RGL1: variants seen among roughly 807,000 people sequenced by gnomAD.
The protein encoded by RGL1 is ral guanine nucleotide dissociation stimulator-like 1.
In RGL1, 24 loss-of-function variants were observed where a neutral mutation model predicts 95.2. The observed-to-expected ratio is 0.25, with a 90% CI of 0.18 to 0.35. The LOEUF is 0.35. Among genes scored for constraint, RGL1 ranks in the 10% least tolerant of loss-of-function variants. The probability of loss-of-function intolerance (pLI) is 1.00; values close to 1 mark genes in which losing one functional copy is unlikely to be tolerated. For synonymous variants in RGL1, 329 were observed against 344.9 expected (o/e 0.95, Z 0.51); for missense variants, 715 against 936.3 (o/e 0.76, Z 3.08).
chr1:183,908,915 A>G (rs527886889), intron 14 of RGL1, among the ~76,000 whole-genome samples: 5 of 152,198 alleles, frequency 3.3e-5, no homozygotes, highest in African/African-American at 7.2e-5. Flanking sequence ...CCCGGGATCT[A>G]TATGTTTTGT....
chr1:183,782,454 C>T (rs1304282481), intron 2 of RGL1, among the ~76,000 whole-genome samples: 1 of 152,200 alleles, frequency 6.6e-6, no homozygotes, highest in Non-Finnish European at 1.5e-5. Context: ...TGTTCAATCA[C>T]AGTTAAATGC....
chr1:183,651,830 G>C (rs1010908679), intron 1 of RGL1, among the ~76,000 whole-genome samples: 1 of 152,146 alleles, frequency 6.6e-6, no homozygotes, highest in African/African-American at 2.4e-5. Flanking sequence ...GGAACCTGAC[G>C]CCATTTCCTG....
chr1:183,867,442 G>A (rs2102598154), intron 4 of RGL1, among the ~76,000 whole-genome samples: 1 of 152,270 alleles, frequency 6.6e-6, no homozygotes, highest in South Asian at 2.1e-4. Flanking sequence ...TAGATCGAGT[G>A]TGAGGGTCTG....
chr1:183,850,161 G>A (rs1397854871), intron 3 of RGL1, among the ~76,000 whole-genome samples: 1 of 152,090 alleles, frequency 6.6e-6, no homozygotes, highest in Middle Eastern at 3.2e-3. Context: ...TTGGCTGTTT[G>A]TGTTTTCTTT....
chr1:183,723,030 A>G (rs143103924), intron 1 of RGL1, among the ~76,000 whole-genome samples: 53 of 152,358 alleles, frequency 3.5e-4, no homozygotes, highest in African/African-American at 1.2e-3. Flanking sequence ...ATACATGACA[A>G]CAATAGCACA....
At chr1:183,916,800 A>G in intron 16 of RGL1, 99 bp downstream of exon 16, 2 of 1,330,190 alleles carry the variant, frequency 1.5e-6, no homozygotes, top group Admixed American at 2.1e-5. Context: ...TGCACACTCA[A>G]TATTAGCATA....
Position 183,805,166 on chromosome 1 carries a change from G to T in RGL1, c.-132G>T. Reference sequence around the variant, plus strand: ...GGCGGCGGCGGGGGCAGCGCGGCGCGTGTCTGTGCGCTGCGGTCGCTCGGG... The same window carrying T: ...GGCGGCGGCGGGGGCAGCGCGGCGCTTGTCTGTGCGCTGCGGTCGCTCGGG... On this transcript the variant is annotated 5_prime_UTR_variant, in exon 1 of 18. Transcript: ENST00000360851. The T allele has an allele frequency of 1.7e-6, 2 of 1,208,872 alleles. No homozygotes were observed. Among genetic ancestry groups the T allele is most frequent in the South Asian group, 2.5e-5 (1 of 40,044 alleles). 74.9% of individuals were successfully genotyped at this position (1,208,872 alleles called of 1,614,324 possible).
chr1:183,681,434 A>G (rs182416597), intron 1 of RGL1, among the ~76,000 whole-genome samples: 45 of 152,274 alleles, frequency 3.0e-4, no homozygotes, highest in Admixed American at 2.0e-4. Flanking sequence ...TGAGATAATC[A>G]TGTGGTTTTT....
chr1:183,883,727 C>G lies in RGL1; in HGVS notation c.611-59C>G, dbSNP rs185498665. 396 of 1,595,706 alleles carry G rather than the reference C, an allele frequency of 2.5e-4. 2 individuals carry two copies. The East Asian group carries it at 6.1e-3, about 25-fold the overall frequency. Reference sequence around the variant, plus strand: ...AAACAAGGAGTAAAGTCTGATGACTCTATAAGCAAGATTATATACACTGGC... The same window carrying G: ...AAACAAGGAGTAAAGTCTGATGACTGTATAAGCAAGATTATATACACTGGC... On this transcript the variant is annotated intron_variant, in intron 5 of 17. Coordinates refer to ENST00000360851, the MANE Select transcript of RGL1 (RefSeq NM_001297671.3).
intron 1 of RGL1, among the ~76,000 whole-genome samples, chr1:183,661,115 A>G (rs896165009): frequency 6.6e-6 from 1 of 152,226 alleles, no homozygotes. Flanking sequence ...GGAAAGATCC[A>G]AAATTGACAC....
chr1:183,909,339 A>G (rs1266716791), intron 14 of RGL1, among the ~76,000 whole-genome samples: 1 of 152,218 alleles, frequency 6.6e-6, no homozygotes, highest in Non-Finnish European at 1.5e-5. Context: ...TTTGAAAGTT[A>G]GAGATGCCTA....
At chr1:183,755,927 A>G (rs962586305) in intron 2 of RGL1, among the ~76,000 whole-genome samples, 14 of 147,218 alleles carry the variant, frequency 9.5e-5, no homozygotes, top group Admixed American at 4.1e-4. Flanking sequence ...CTTGTTGCCC[A>G]GGCTGGAGTG....
chr1:183,893,884 T>C (rs1667553553), intron 9 of RGL1, among the ~76,000 whole-genome samples: 1 of 152,218 alleles, frequency 6.6e-6, no homozygotes. Context: ...CAGTAAGTGT[T>C]CAGAAGCTAT....
At chr1:183,739,133 A>T (rs1657129796) in intron 1 of RGL1, among the ~76,000 whole-genome samples, 1 of 152,226 alleles carries the variant, frequency 6.6e-6, no homozygotes, top group Non-Finnish European at 1.5e-5. Context: ...TAGGTCACAC[A>T]CTCATAAAGC....
chr1:183,909,059 A>T (rs1406952527), intron 14 of RGL1, among the ~76,000 whole-genome samples: 1 of 152,222 alleles, frequency 6.6e-6, no homozygotes, highest in Non-Finnish European at 1.5e-5. Flanking sequence ...AAAGTGTGGT[A>T]GGTACTCAGT....
chr1:183,859,668 A>G (rs1004628657), intron 3 of RGL1, among the ~76,000 whole-genome samples: 2 of 152,174 alleles, frequency 1.3e-5, no homozygotes, highest in Admixed American at 1.3e-4. Flanking sequence ...TTTTCTAGTC[A>G]GGGAAAAATG....
At chr1:183,874,794 G>A (rs191944412) in intron 4 of RGL1, among the ~76,000 whole-genome samples, 2 of 152,208 alleles carry the variant, frequency 1.3e-5, no homozygotes, top group Non-Finnish European at 2.9e-5. Flanking sequence ...ATCTTTCTTT[G>A]TTCCTTCTCA....
rs113761397 is a variant in RGL1 at position 183,871,124 on chromosome 1, C to G, written c.425+5051C>G. On this transcript the variant is annotated intron_variant, in intron 4 of 17. Transcript: ENST00000360851. ...TCTCTCAAAAAATGAATAACAGAAA[C>G]AGAGATATGGTCCACACAGCATAGT... 1.2e-3 allele frequency among the ~76,000 whole-genome samples: 181 copies of G among 152,278 alleles called. 1 individual carries two copies. Among genetic ancestry groups the G allele is most frequent in the African/African-American group, 3.9e-3 (160 of 41,558 alleles).
At chr1:183,640,295 G>A (rs1649839001) in intron 1 of RGL1, among the ~76,000 whole-genome samples, 1 of 152,180 alleles carries the variant, frequency 6.6e-6, no homozygotes, top group Non-Finnish European at 1.5e-5. Context: ...CTGAATTGCT[G>A]CAGTCCTACA....
Sources: gnomAD v4.1 joint callset for allele counts (sites outside exome capture counted in the v4.1 genomes callset) on GRCh38, gnomAD v4.1.1 for gene constraint, MANE v1.5 for transcripts, NCBI Gene and HGNC (gene_info 2026-07-23, HGNC 2026-07-21) for gene names.